Variants in GRAMD1B observed in about 807,000 individuals in gnomAD.
The protein encoded by GRAMD1B is protein Aster-B.
In GRAMD1B, 37 loss-of-function variants were observed where a neutral mutation model predicts 99.7. The ratio of observed to expected loss-of-function variants is 0.37; its 90% CI spans 0.29 to 0.49. The LOEUF (loss-of-function observed/expected upper bound fraction) is 0.49, where lower values mean the gene tolerates loss of function less well. GRAMD1B is among the 20% of genes least tolerant of loss of function. The pLI, the probability that GRAMD1B is intolerant of heterozygous loss-of-function variation, is 0.98. For synonymous variants in GRAMD1B, 427 were observed against 387.6 expected (o/e 1.10, Z -1.19); for missense variants, 888 against 1,009.2 (o/e 0.88, Z 1.63).
At position 123,619,106 on chromosome 11, in the gene GRAMD1B, G is replaced by A; in HGVS notation, c.2427-1G>A. 1 of 1,526,170 alleles carries A rather than the reference G, an allele frequency of 6.6e-7. No homozygotes were observed. Among genetic ancestry groups the A allele is most frequent in the Non-Finnish European group, 8.9e-7 (1 of 1,122,322 alleles). The allele number at this position is 1,526,170 out of a possible 1,614,324, so 94.5% of individuals were successfully genotyped here. On this transcript the variant is annotated splice_acceptor_variant, in intron 18 of 19. Transcript: ENST00000635736. LOFTEE classifies it high-confidence loss of function. ...GGGGTACCCCTTCTTCTACCCCACAGGTTACCCCAGTCTCAGACAGAATGG... is the reference window on the plus strand; with the variant it reads ...GGGGTACCCCTTCTTCTACCCCACAAGTTACCCCAGTCTCAGACAGAATGG...
At chr11:123,481,006 G>A (rs573365311) in intron 2 of GRAMD1B, 113 bp downstream of exon 2, 7 of 396,836 alleles carry the variant, frequency 1.8e-5, no homozygotes, top group African/African-American at 1.2e-4. Flanking sequence ...AAACTGAAGA[G>A]GAATGGGAGC....
intron 1 of GRAMD1B, among the ~76,000 whole-genome samples, chr11:123,363,455 G>A (rs1946212979): frequency 6.6e-6 from 1 of 152,214 alleles, no homozygotes; most frequent in Non-Finnish European, 1.5e-5. Context: ...ATGAGGGTGG[G>A]CAGAAGTCAG....
At chr11:123,376,610 C>T (rs1946698351) in intron 1 of GRAMD1B, among the ~76,000 whole-genome samples, 2 of 152,210 alleles carry the variant, frequency 1.3e-5, no homozygotes. Flanking sequence ...ATAAATATCA[C>T]TCTAGTTCCA....
chr11:123,398,749 A>G (rs577503143), intron 1 of GRAMD1B, among the ~76,000 whole-genome samples: 1 of 152,260 alleles, frequency 6.6e-6, no homozygotes, highest in East Asian at 1.9e-4. Flanking sequence ...ATATCTTATT[A>G]AAAAACAACT....
chr11:123,480,338 C>G (rs1265553161), intron 1 of GRAMD1B, among the ~76,000 whole-genome samples: 1 of 152,136 alleles, frequency 6.6e-6, no homozygotes, highest in African/African-American at 2.4e-5. Flanking sequence ...TAGGTGACCC[C>G]TGGCCCCATC....
intron 3 of GRAMD1B, among the ~76,000 whole-genome samples, chr11:123,583,491 T>C (rs1461172710): frequency 2.0e-5 from 3 of 152,198 alleles, no homozygotes; most frequent in African/African-American, 7.2e-5. Context: ...CAAGCTTGTC[T>C]ATCTGCGTGT....
intron 2 of GRAMD1B, chr11:123,560,385 G>T (rs1837918380): frequency 8.5e-7 from 1 of 1,175,796 alleles, no homozygotes; most frequent in Admixed American, 3.7e-5. Flanking sequence ...GAGGGAGGTG[G>T]GGGAGAGGGA....
intron 1 of GRAMD1B, among the ~76,000 whole-genome samples, chr11:123,400,344 G>A (rs1375996902): frequency 6.6e-6 from 1 of 152,068 alleles, no homozygotes; most frequent in African/African-American, 2.4e-5. Flanking sequence ...AGGCATGGTG[G>A]CATGTACCTA....
chr11:123,578,545 T>A, intron 3 of GRAMD1B: 1 of 775,788 alleles, frequency 1.3e-6, no homozygotes, highest in East Asian at 2.7e-5. Context: ...TCCTGCTTGG[T>A]CCCTTTCCCA....
At chr11:123,383,740 A>G (rs980911420) in intron 1 of GRAMD1B, among the ~76,000 whole-genome samples, 22 of 151,446 alleles carry the variant, frequency 1.5e-4, no homozygotes, top group African/African-American at 5.1e-4. Context: ...CTCTCTCCCA[A>G]CCTAAATTCT....
In GRAMD1B at chr11:123,414,047, A is replaced by ATT. The variant is rs780726855; in HGVS notation, c.-176+55262_-176+55263dup. Among the ~76,000 whole-genome samples, 1,281 of 142,752 alleles carry ATT rather than the reference A, an allele frequency of 9.0e-3. 22 individuals are homozygous for ATT. The highest frequency in any genetic ancestry group is 0.031 in the African/African-American group (1,215 of 38,916). 93.7% of individuals were successfully genotyped at this position (142,752 alleles called of 152,430 possible). ...GTCTTAGAAATCCATCATCATCATCATTTTTTTTTTTTTTTGAGACAGAGT... is the reference window on the plus strand; with the variant it reads ...GTCTTAGAAATCCATCATCATCATCATTTTTTTTTTTTTTTTTGAGACAGAGT... On this transcript the variant is annotated intron_variant, in intron 1 of 20. Transcript: ENST00000638157.
chr11:123,619,159 T>C lies in GRAMD1B; in HGVS notation c.2479T>C (p.Tyr827His). The C allele has an allele frequency of 1.9e-6, 3 of 1,571,450 alleles. No homozygotes were observed. Among genetic ancestry groups the C allele is most frequent in the Non-Finnish European group, 2.6e-6 (3 of 1,158,176 alleles). Residue 827 changes from tyrosine to histidine, a missense_variant, in exon 19 of 20, where the codon TAC becomes CAC. Tyr to His is a moderately conservative substitution (Grantham distance 83). Transcript: ENST00000635736. Reference sequence around the variant, plus strand: ...CCAGCTCTTAGAGTCCCAACAAAAGTACCACGATACTGAGCTCCAAAAATG... The same window carrying C: ...CCAGCTCTTAGAGTCCCAACAAAAGCACCACGATACTGAGCTCCAAAAATG... ...WAQLLESQQKYHDTELQKWRE... is the reference protein window; with the variant it reads ...WAQLLESQQKHHDTELQKWRE...
At chr11:123,594,305 G>A (rs1288565343) in intron 5 of GRAMD1B, 139 bp downstream of exon 5, 1 of 671,714 alleles carries the variant, frequency 1.5e-6, no homozygotes, top group African/African-American at 1.8e-5. Flanking sequence ...CAGACCCCTG[G>A]CCCCAGCTGT....
chr11:123,553,330 A>G (rs559602078), intron 2 of GRAMD1B, among the ~76,000 whole-genome samples: 2 of 151,418 alleles, frequency 1.3e-5, no homozygotes, highest in East Asian at 3.9e-4. Flanking sequence ...GCATGGTGAA[A>G]TGGGGTTTAC....
chr11:123,497,599 A>G (rs1241383721), intron 2 of GRAMD1B, among the ~76,000 whole-genome samples: 1 of 152,176 alleles, frequency 6.6e-6, no homozygotes, highest in East Asian at 1.9e-4. Context: ...CTGGTGTTCT[A>G]TTCTACTGCA....
At chr11:123,381,443 A>AGAGATGGAAAGGCCTTG (rs1214794059) in intron 1 of GRAMD1B, 4 of 154,414 alleles carry the variant, frequency 2.6e-5, no homozygotes, top group Non-Finnish European at 4.4e-5. Context: ...CTTATTAGAC[A>AGAGATGGAAAGGCCTTG]GAGATGGAAA....
chr11:123,563,739 G>A (rs1156749469), intron 2 of GRAMD1B, among the ~76,000 whole-genome samples: 1 of 152,052 alleles, frequency 6.6e-6, no homozygotes. Flanking sequence ...TTACTATATT[G>A]CCCAGGCTGG....
At chr11:123,621,494 A>G (rs868326787) in intron 19 of GRAMD1B, among the ~76,000 whole-genome samples, 4 of 152,228 alleles carry the variant, frequency 2.6e-5, no homozygotes, top group Non-Finnish European at 4.4e-5. Flanking sequence ...CCTAGCAAAC[A>G]TGAAACCAAG....
chr11:123,507,038 G>A (rs1379522069), intron 2 of GRAMD1B, among the ~76,000 whole-genome samples: 1 of 152,238 alleles, frequency 6.6e-6, no homozygotes, highest in Non-Finnish European at 1.5e-5. Context: ...GTCGGTAGAT[G>A]TTTTTGGTCA....
Sources: allele counts gnomAD v4.1 joint callset (sites outside exome capture counted in the v4.1 genomes callset), GRCh38; gene constraint gnomAD v4.1.1; transcripts MANE v1.5; gene names NCBI Gene and HGNC (gene_info 2026-07-23, HGNC 2026-07-21).